The following REN variants were observed in gnomAD, a reference collection of about 807,000 sequenced individuals.
REN encodes the protein angiotensin-forming enzyme.
REN carries 42 observed loss-of-function variants against 48.6 expected under a neutral mutation model. That is an observed-to-expected ratio of 0.86 (90% CI 0.68 to 1.12). The LOEUF is 1.12. Ranked by LOEUF, REN falls within the 50% of genes most tolerant of loss-of-function variation. REN has a pLI of 0.00. For missense variants in REN, 443 were observed against 527.3 expected, an observed-to-expected ratio of 0.84 and a Z score of 1.57; for synonymous variants, 196 against 204.6, an observed-to-expected ratio of 0.96 and a Z score of 0.36.
chr1:204,159,335 T>A (rs1454781285), intron 5 of REN, 64 bp downstream of exon 5: 11 of 1,463,386 alleles, frequency 7.5e-6, no homozygotes, highest in Non-Finnish European at 1.1e-5. Context: ...AGACTCTCCT[T>A]CCACTCCCCA....
intron 1 of REN, among the ~76,000 whole-genome samples, chr1:204,165,336 C>T (rs1029822840): frequency 6.6e-6 from 1 of 152,178 alleles, no homozygotes; most frequent in Non-Finnish European, 1.5e-5. Flanking sequence ...GCTCTTACAA[C>T]GTGCCCAGCT....
chr1:204,162,704 G>A (rs1325968997), intron 1 of REN, among the ~76,000 whole-genome samples: 3 of 152,192 alleles, frequency 2.0e-5, no homozygotes, highest in Non-Finnish European at 4.4e-5. Flanking sequence ...GCAGCTGCAA[G>A]GTCTCCAGGA....
intron 3 of REN, 86 bp downstream of exon 3, chr1:204,161,206 G>A (rs1658239933): frequency 7.0e-7 from 1 of 1,437,194 alleles, no homozygotes; most frequent in South Asian, 1.6e-5. Context: ...GTGGCAAGAG[G>A]GATGGGAGCT....
intron 2 of REN, 102 bp from the exon 3 acceptor site, chr1:204,161,517 G>T: frequency 8.4e-7 from 1 of 1,195,496 alleles, no homozygotes; most frequent in Non-Finnish European, 1.1e-6. Flanking sequence ...CTTGGCCCAG[G>T]CGAGGTCCTA....
chr1:204,156,883 AG>A lies in REN; in HGVS notation c.699-88del, dbSNP rs1284227943. On this transcript the variant is annotated intron_variant, in intron 6 of 9. Transcript: ENST00000272190. This position sits in a 1 kb window ranked among gnomAD's most constrained non-coding sequence, Gnocchi z 4.2. ...ATTGGGGAAGGTTGCACAAGGGTGC[AG>A]GGGAGGACAGAGGGCTCTAGAGCAG... 2 of 1,546,138 alleles carry A rather than the reference AG, an allele frequency of 1.3e-6. No individual in the cohort carries two copies. Among genetic ancestry groups the A allele is most frequent in the East Asian group, 4.5e-5 (2 of 44,608 alleles).
intron 5 of REN, 105 bp downstream of exon 5, chr1:204,159,294 C>T (rs781199306): frequency 5.9e-5 from 59 of 1,000,954 alleles, no homozygotes; most frequent in Non-Finnish European, 8.7e-5. Context: ...TTGGCTGTCA[C>T]CTAATTACAA....
At position 204,160,702 on chromosome 1, in the gene REN, G is replaced by A. The variant is rs200164369; in HGVS notation, c.374-24C>T. On this transcript the variant is annotated intron_variant, in intron 3 of 9. Coordinates refer to ENST00000272190, the MANE Select transcript of REN (RefSeq NM_000537.4). ...CACTGGCAGGGGGACAGAGGCTCAG[G>A]TTTGTCCAAGAGTGGCCCAGACAGG... 2.0e-4 allele frequency: 309 copies of A among 1,567,906 alleles called. 1 individual carries two copies. In the African/African-American group the frequency reaches 3.7e-3, roughly 19 times the overall value.
Position 204,156,635 on chromosome 1 carries a change from G to A in REN, c.818+42C>T, listed in dbSNP as rs746436791. The A allele has an allele frequency of 6.2e-7, 1 of 1,613,154 alleles. No homozygotes were observed. Among genetic ancestry groups the A allele is most frequent in the African/African-American group, 1.3e-5 (1 of 75,024 alleles). On this transcript the variant is annotated intron_variant, in intron 7 of 9. Coordinates refer to ENST00000272190, the MANE Select transcript of REN (RefSeq NM_000537.4). This position sits in a 1 kb window ranked among gnomAD's most constrained non-coding sequence, Gnocchi z 4.2. Reference sequence around the variant, plus strand: ...CCCACCCTCCCCAACCCCAGTGACGGCAGCATTTTTTGGAGCCCGGGGAGG... The same window carrying A: ...CCCACCCTCCCCAACCCCAGTGACGACAGCATTTTTTGGAGCCCGGGGAGG...
Position 204,154,903 on chromosome 1 carries a change from C to G in REN, c.*113G>C, listed in dbSNP as rs1658121610. On this transcript the variant is annotated 3_prime_UTR_variant, in exon 10 of 10. Coordinates refer to ENST00000272190, the MANE Select transcript of REN (RefSeq NM_000537.4). ...TCAGGGCACGCATCCAGCAGGAGCT[C>G]CACATCCAATGTCTCCATCTGAGGG... is the stretch of plus-strand genomic sequence containing the variant. 1 of 1,264,938 alleles carries G rather than the reference C, an allele frequency of 7.9e-7. No homozygotes were observed. The highest frequency in any genetic ancestry group is 1.1e-6 in the Non-Finnish European group (1 of 887,830). The allele number at this position is 1,264,938 out of a possible 1,614,324, so 78.4% of individuals were successfully genotyped here. A position where few individuals can be genotyped will look rare whatever the true frequency, so the allele number is the denominator to read the frequency against.
chr1:204,160,417 G>A (rs1271401260), intron 4 of REN, 143 bp downstream of exon 4: 6 of 720,108 alleles, frequency 8.3e-6, no homozygotes, highest in Non-Finnish European at 1.5e-5. Flanking sequence ...ACAGCCAGAT[G>A]TGGCAGAGTA....
rs745660605 is a variant in REN, at chr1:204,159,295, C to G, written c.689+104G>C. 9 of 1,016,852 alleles carry G rather than the reference C, an allele frequency of 8.9e-6. No homozygotes were observed. The Admixed American group carries it at 1.6e-4, about 18-fold the overall frequency. 63.0% of individuals were successfully genotyped at this position (1,016,852 alleles called of 1,614,324 possible). ...GCTCTAGATATTGATTGGCTGTCAC[C>G]TAATTACAAACACTTTACAATTCTG... On this transcript the variant is annotated intron_variant, in intron 5 of 9. Coordinates refer to ENST00000272190, the MANE Select transcript of REN (RefSeq NM_000537.4).
chr1:204,156,076 C>G lies in REN; in HGVS notation c.960+102G>C. The stretch of plus-strand genomic sequence containing the variant: ...ACATGTGTGGAGAGTGTGAGGTGAA[C>G]AAGCGAAGGCCTGAGATGGCCTCAT... On this transcript the variant is annotated intron_variant, in intron 8 of 9. Coordinates refer to ENST00000272190, the MANE Select transcript of REN (RefSeq NM_000537.4). The surrounding 1 kb of genome is among the most constrained non-coding windows in gnomAD (Gnocchi z 4.2). 1 of 1,561,932 alleles carries G rather than the reference C, an allele frequency of 6.4e-7. No homozygotes were observed. Among genetic ancestry groups the G allele is most frequent in the Non-Finnish European group, 8.8e-7 (1 of 1,134,680 alleles).
chr1:204,159,038 C>T (rs889706774), intron 5 of REN, among the ~76,000 whole-genome samples: 1 of 152,178 alleles, frequency 6.6e-6, no homozygotes, highest in African/African-American at 2.4e-5. Flanking sequence ...CCATCGCCCC[C>T]ACCTTGCATC....
intron 1 of REN, among the ~76,000 whole-genome samples, chr1:204,165,479 G>A (rs1176352614): frequency 6.6e-6 from 1 of 152,160 alleles, no homozygotes; most frequent in Non-Finnish European, 1.5e-5. Context: ...GACCTAGTTT[G>A]TTCTGCTAGT....
Position 204,156,702 on chromosome 1 carries a change from C to T in REN, c.793G>A (p.Gly265Ser), listed in dbSNP as rs1217546699. The T allele has an allele frequency of 1.2e-6, 2 of 1,614,102 alleles. No individual in the cohort carries two copies. The highest frequency in any genetic ancestry group is 8.5e-7 in the Non-Finnish European group (1 of 1,180,008). The change falls in exon 7 of 10, where the codon GGT (glycine) becomes AGT (serine). Residue 265 changes from glycine to serine, a missense_variant. Gly to Ser is a moderately conservative substitution (Grantham distance 56, BLOSUM62 0). Coordinates refer to ENST00000272190, the MANE Select transcript of REN (RefSeq NM_000537.4). This position sits in a 1 kb window ranked among gnomAD's most constrained non-coding sequence, Gnocchi z 4.2. Reference sequence around the variant, plus strand: ...CCCTTCATTTGAATCTGCCAGACACCAGTCTTGATGAGGTTGATATAGTGG... The same window carrying T: ...CCCTTCATTTGAATCTGCCAGACACTAGTCTTGATGAGGTTGATATAGTGG... ...NFHYINLIKT[G>S]VWQIQMKGVS...
intron 1 of REN, among the ~76,000 whole-genome samples, chr1:204,163,560 T>G (rs977362188): frequency 1.3e-5 from 2 of 152,210 alleles, no homozygotes; most frequent in Admixed American, 6.5e-5. Context: ...CCATTTCCTT[T>G]TCAGAAAATC....
In REN at chr1:204,162,138, T is replaced by C. The variant is rs1658258214; in HGVS notation, c.124A>G (p.Ile42Val). The C allele has an allele frequency of 6.2e-7, 1 of 1,614,084 alleles. No individual in the cohort carries two copies. ...KRIFLKRMPS[I>V]RESLKERGVD... is the part of the protein sequence containing the mutation. ...CCTCGTTCCTTCAGGCTTTCTCGGA[T>C]TGAGGGCATTCTCTTGAGGAAGATC... The change falls in exon 2 of 10, where the codon ATC becomes GTC. Residue 42 changes from isoleucine (I) to valine (V), a missense_variant. Ile to Val is a conservative substitution (Grantham distance 29). Coordinates refer to ENST00000272190, the MANE Select transcript of REN (RefSeq NM_000537.4).
chr1:204,159,484 C>G lies in REN; in HGVS notation c.604G>C (p.Ala202Pro). The stretch of plus-strand genomic sequence containing the variant: ...AAGATAGGGGTGACCCTGCCAATGG[C>G]CTGTTCAATGAAGCCCATGCCCACA... ...GVVGMGFIEQ[A>P]IGRVTPIFDN... is the part of the protein sequence containing the mutation. Residue 202 changes from alanine (A) to proline (P), a missense_variant, in exon 5 of 10, where the codon GCC (alanine) becomes CCC (proline). Transcript: ENST00000272190. 1 of 1,614,162 alleles carries G rather than the reference C, an allele frequency of 6.2e-7. No individual in the cohort carries two copies.
chr1:204,160,556 T>C lies in REN; in HGVS notation c.492+4A>G. 2 of 1,609,178 alleles carry C rather than the reference T, an allele frequency of 1.2e-6. No homozygotes were observed. Among genetic ancestry groups the C allele is most frequent in the South Asian group, 1.1e-5 (1 of 90,998 alleles). On this transcript the variant is annotated splice_donor_region_variant and intron_variant, in intron 4 of 9. Transcript: ENST00000272190. ...GGCAGATGACCTAGGGCGGCCCAAC[T>C]TACGGTGATGATGTCCTGGCTGAGA... is the stretch of plus-strand genomic sequence containing the variant.
Sources: allele counts gnomAD v4.1 joint callset (sites outside exome capture counted in the v4.1 genomes callset), GRCh38; gene constraint gnomAD v4.1.1; non-coding constraint Gnocchi (gnomAD v3.1); transcripts MANE v1.5; gene names NCBI Gene and HGNC (gene_info 2026-07-23, HGNC 2026-07-21).